The following CLPTM1 variants were observed in gnomAD, a reference collection of about 807,000 sequenced individuals.
The protein encoded by CLPTM1 is CLPTM1 regulator of GABA type A receptor forward trafficking.
CLPTM1 carries 21 observed loss-of-function variants against 77.3 expected under a neutral mutation model. The observed-to-expected ratio is 0.27, with a 90% confidence interval of 0.19 to 0.39. The LOEUF (loss-of-function observed/expected upper bound fraction) is 0.39. Among genes scored for constraint, CLPTM1 ranks in the 10% least tolerant of loss-of-function variants. CLPTM1 has a pLI of 1.00. For missense variants in CLPTM1, 642 were observed against 921.2 expected (o/e 0.70, Z 3.92); for synonymous variants, 373 against 381.0 (o/e 0.98, Z 0.24).
At chr19:44,974,709 G>A (rs1970779499) in intron 4 of CLPTM1, 112 bp downstream of exon 4, 4 of 1,244,336 alleles carry the variant, frequency 3.2e-6, no homozygotes, top group African/African-American at 1.5e-5. Flanking sequence ...TCCAGGCTTG[G>A]CCCTTCCCTG....
chr19:44,978,137 T>G (rs1422164940), intron 5 of CLPTM1, among the ~76,000 whole-genome samples: 1 of 150,436 alleles, frequency 6.6e-6, no homozygotes, highest in Non-Finnish European at 1.5e-5. Context: ...CCGGGCACAG[T>G]GGCTCACGCC....
intron 2 of CLPTM1, among the ~76,000 whole-genome samples, chr19:44,968,623 T>C (rs1006201723): frequency 2.8e-5 from 2 of 72,398 alleles, no homozygotes; most frequent in African/African-American, 5.8e-5. Flanking sequence ...ACTGTGGGCG[T>C]GTGGATACAC....
intron 4 of CLPTM1, among the ~76,000 whole-genome samples, chr19:44,975,842 G>A (rs945487237): frequency 6.6e-6 from 1 of 152,160 alleles, no homozygotes; most frequent in Admixed American, 6.6e-5. Flanking sequence ...GGGATTACAG[G>A]CGTGAGACAC....
chr19:44,975,587 C>T (rs757646568), intron 4 of CLPTM1, among the ~76,000 whole-genome samples: 1 of 151,316 alleles, frequency 6.6e-6, no homozygotes, highest in African/African-American at 2.4e-5. Context: ...TTTTTTGAGA[C>T]AGCGTCTCGC....
At chr19:44,978,829 CTAGAGT>C (rs1970846631) in intron 5 of CLPTM1, among the ~76,000 whole-genome samples, 1 of 146,458 alleles carries the variant, frequency 6.8e-6, no homozygotes, top group East Asian at 2.1e-4. Flanking sequence ...GTGGGGAGTA[CTAGAGT>C]ACATCAGTAG....
At chr19:44,964,892 A>G (rs1051588099) in intron 2 of CLPTM1, among the ~76,000 whole-genome samples, 3 of 152,068 alleles carry the variant, frequency 2.0e-5, no homozygotes, top group African/African-American at 4.8e-5. Context: ...GTGGGTTCAC[A>G]TGCTATTCCT....
intron 9 of CLPTM1, among the ~76,000 whole-genome samples, chr19:44,989,517 C>T (rs1014030491): frequency 4.1e-5 from 6 of 146,234 alleles, no homozygotes; most frequent in African/African-American, 1.5e-4. Context: ...TTCTGATGGG[C>T]AGGGGTGGGT....
At chr19:44,983,679 C>T (rs1271178447) in intron 5 of CLPTM1, among the ~76,000 whole-genome samples, 3 of 143,616 alleles carry the variant, frequency 2.1e-5, no homozygotes, top group African/African-American at 7.8e-5. Flanking sequence ...AGCTTCTTTT[C>T]GGGCCAGGTG....
At position 44,973,158 on chromosome 19, in the gene CLPTM1, G is replaced by T; in HGVS notation, c.257G>T (p.Gly86Val). 3.7e-6 allele frequency: 6 copies of T among 1,614,018 alleles called. No homozygotes were observed. Among genetic ancestry groups the T allele is most frequent in the Non-Finnish European group, 5.1e-6 (6 of 1,179,938 alleles). ...GCCCCTCAGGACCAGGCGGGCCCCG[G>T]AGGAGCTCCACGCGTCGCCAGCCGC... ...GPAPQDQAGPGGAPRVASRNL... is the reference protein window; with the variant it reads ...GPAPQDQAGPVGAPRVASRNL... Residue 86 changes from glycine (G) to valine (V), a missense_variant, in exon 3 of 14, where the codon GGA becomes GTA. Transcript: ENST00000337392.
At position 44,991,523 on chromosome 19, in the gene CLPTM1, CA is replaced by C; in HGVS notation, c.1555+151del. On this transcript the variant is annotated intron_variant, in intron 12 of 13. Coordinates refer to ENST00000337392, the MANE Select transcript of CLPTM1 (RefSeq NM_001294.4). The surrounding 1 kb of genome is among the most constrained non-coding windows in gnomAD (Gnocchi z 5.4). ...GGAGGCCCGAGGGCACACATGGCCC[CA>C]TCTGGGGTCAGAGAGGACTTCAGGG... 1 of 851,916 alleles carries C rather than the reference CA, an allele frequency of 1.2e-6. No individual in the cohort carries two copies. Among genetic ancestry groups the C allele is most frequent in the Non-Finnish European group, 1.8e-6 (1 of 554,120 alleles). The allele number at this position is 851,916 out of a possible 1,614,324, so 52.8% of individuals were successfully genotyped here. A position where few individuals can be genotyped will look rare whatever the true frequency, so the allele number is the denominator to read the frequency against.
intron 1 of CLPTM1, among the ~76,000 whole-genome samples, chr19:44,956,198 C>T (rs1301758620): frequency 6.6e-6 from 1 of 152,128 alleles, no homozygotes; most frequent in Non-Finnish European, 1.5e-5. Flanking sequence ...GTCGACCCAC[C>T]CACTGGGATG....
intron 2 of CLPTM1, among the ~76,000 whole-genome samples, chr19:44,967,002 C>T (rs1034237776): frequency 5.3e-5 from 8 of 152,068 alleles, no homozygotes; most frequent in Admixed American, 1.3e-4. Context: ...CCACAGCGCC[C>T]GGCTAATTTT....
Position 44,972,397 on chromosome 19 carries a change from G to A in CLPTM1, c.186-690G>A, listed in dbSNP as rs373327065. The stretch of plus-strand genomic sequence containing the variant: ...GGAGTAGCTGGGACTACAGGCGCCC[G>A]CCACCATGCCCAGCTAATTTTTTTG... On this transcript the variant is annotated intron_variant, in intron 2 of 13. Coordinates refer to ENST00000337392, the MANE Select transcript of CLPTM1 (RefSeq NM_001294.4). Among the ~76,000 whole-genome samples the A allele has an allele frequency of 2.1e-3, 311 of 151,684 alleles. 2 individuals carry two copies. The highest frequency in any genetic ancestry group is 6.5e-3 in the African/African-American group (268 of 41,348).
chr19:44,984,886 A>G (rs1970953910), intron 5 of CLPTM1, among the ~76,000 whole-genome samples: 1 of 152,012 alleles, frequency 6.6e-6, no homozygotes, highest in African/African-American at 2.4e-5. Flanking sequence ...GGGGGGTTTC[A>G]CCATGCTGGC....
intron 5 of CLPTM1, among the ~76,000 whole-genome samples, chr19:44,978,819 G>A (rs945337817): frequency 2.6e-5 from 4 of 151,898 alleles, no homozygotes; most frequent in Non-Finnish European, 5.9e-5. Context: ...TTCACTGGGA[G>A]TGGGGAGTAC....
intron 2 of CLPTM1, among the ~76,000 whole-genome samples, chr19:44,969,995 CTGT>C (rs1311858185): frequency 2.0e-5 from 3 of 147,452 alleles, no homozygotes; most frequent in Non-Finnish European, 4.4e-5. Flanking sequence ...GTTTTGGTAT[CTGT>C]TGTTGCTGCT....
intron 6 of CLPTM1, among the ~76,000 whole-genome samples, chr19:44,985,650 C>T (rs1970965700): frequency 6.6e-6 from 1 of 152,226 alleles, no homozygotes; most frequent in Non-Finnish European, 1.5e-5. Context: ...AGAGCCCAAG[C>T]TCAGCCTGGC....
intron 6 of CLPTM1, among the ~76,000 whole-genome samples, chr19:44,986,012 A>T (rs916392355): frequency 4.6e-5 from 7 of 152,006 alleles, no homozygotes; most frequent in African/African-American, 1.7e-4. Context: ...AAGCCTAGGG[A>T]GGAGAGCCTT....
At position 44,991,462 on chromosome 19, in the gene CLPTM1, CAG is replaced by C. The variant is rs1807695536; in HGVS notation, c.1555+90_1555+91del. On this transcript the variant is annotated intron_variant, in intron 12 of 13. Coordinates refer to ENST00000337392, the MANE Select transcript of CLPTM1 (RefSeq NM_001294.4). This position sits in a 1 kb window ranked among gnomAD's most constrained non-coding sequence, Gnocchi z 5.4. ...TGTAGGAGACAGACCCATCCCCAGA[CAG>C]GGACAACCTAGGGTGGGCAGAGCTG... The C allele has an allele frequency of 2.0e-6, 3 of 1,508,790 alleles. No individual in the cohort carries two copies. The Admixed American group carries it at 5.3e-5, about 27-fold the overall frequency. The allele number at this position is 1,508,790 out of a possible 1,614,324, so 93.5% of individuals were successfully genotyped here.
Sources: gnomAD v4.1 joint callset for allele counts (sites outside exome capture counted in the v4.1 genomes callset) on GRCh38, gnomAD v4.1.1 for gene constraint, Gnocchi (gnomAD v3.1) non-coding constraint, MANE v1.5 for transcripts, NCBI Gene and HGNC (gene_info 2026-07-23, HGNC 2026-07-21) for gene names.